QRICH1: variants seen among roughly 807,000 people sequenced by gnomAD.
QRICH1 encodes the protein transcriptional regulator QRICH1.
QRICH1 carries 16 observed loss-of-function variants against 87.1 expected under a neutral mutation model. The ratio of observed to expected loss-of-function variants is 0.18; its 90% CI spans 0.12 to 0.28. QRICH1 has a LOEUF of 0.28. QRICH1 is among the 10% of genes least tolerant of loss of function. The pLI is 1.00. For synonymous variants in QRICH1, 367 were observed against 368.4 expected, an observed-to-expected ratio of 1.00 and a Z score of 0.05; for missense variants, 647 against 951.7, an observed-to-expected ratio of 0.68 and a Z score of 4.21.
At chr3:49,093,824 G>GC in intron 1 of QRICH1, 88 bp downstream of exon 1, 1 of 137,908 alleles carries the variant, frequency 7.3e-6, no homozygotes, top group Non-Finnish European at 1.5e-5. Flanking sequence ...GTAGTGGCCC[G>GC]CCCGCCCCCG....
At chr3:49,075,480 A>T (rs2041933624) in intron 2 of QRICH1, among the ~76,000 whole-genome samples, 1 of 152,088 alleles carries the variant, frequency 6.6e-6, no homozygotes, top group Admixed American at 6.6e-5. Context: ...AAAATACAAA[A>T]ATTAGCCGGG....
chr3:49,048,226 G>A (rs1179102664), intron 3 of QRICH1, among the ~76,000 whole-genome samples: 3 of 151,116 alleles, frequency 2.0e-5, no homozygotes, highest in Non-Finnish European at 4.4e-5. Context: ...TCTGTCTCCC[G>A]GGTTCAAGCT....
At chr3:49,069,215 G>A (rs1559946150) in intron 2 of QRICH1, among the ~76,000 whole-genome samples, 1 of 149,522 alleles carries the variant, frequency 6.7e-6, no homozygotes, top group African/African-American at 2.5e-5. Context: ...GCAATTCTCT[G>A]CCTCAGCCTC....
At chr3:49,084,854 A>G (rs2042137943) in intron 1 of QRICH1, among the ~76,000 whole-genome samples, 1 of 152,168 alleles carries the variant, frequency 6.6e-6, no homozygotes, top group East Asian at 1.9e-4. Context: ...ACTCTTCTGA[A>G]TTTTCCACAA....
At position 49,030,525 on chromosome 3, in the gene QRICH1, A is replaced by T. The variant is rs1018155218; in HGVS notation, c.2258T>A (p.Met753Lys). 6.2e-7 allele frequency: 1 copy of T among 1,614,114 alleles called. No homozygotes were observed. The highest frequency in any genetic ancestry group is 8.5e-7 in the Non-Finnish European group (1 of 1,180,034). ...TCTTATCACCAGGATCCGCGTCAGCATTTGTCCCATCTGCTCTCTGCTGAT... is the reference window on the plus strand; with the variant it reads ...TCTTATCACCAGGATCCGCGTCAGCTTTTGTCCCATCTGCTCTCTGCTGAT... ...QPISREQMGQ[M>K]LTRILVIREI... The change falls in exon 10 of 10, where the codon ATG becomes AAG. Residue 753 changes from methionine (M) to lysine (K), a missense_variant. Transcript: ENST00000395443.
rs1385990759 is a variant in QRICH1 at position 49,076,949 on chromosome 3, C to T, written c.69G>A (p.Pro23=). The part of the protein sequence containing the change: ...EYIRVKARSV[P]QHRMKEFLDS... ...CCAGAAATTCCTTCATCCTGTGTTG[C>T]GGGACAGACCGTGCCTTTACTCGGA... Residue 23 remains proline, a synonymous_variant, in exon 2 of 10, where the codon CCG becomes CCA. Transcript: ENST00000395443. 14 of 1,602,496 alleles carry T rather than the reference C, an allele frequency of 8.7e-6. No homozygotes were observed. Among genetic ancestry groups the T allele is most frequent in the African/African-American group, 4.0e-5 (3 of 74,660 alleles).
intron 2 of QRICH1, among the ~76,000 whole-genome samples, chr3:49,058,262 G>A (rs1475155555): frequency 6.6e-6 from 1 of 151,466 alleles, no homozygotes; most frequent in Non-Finnish European, 1.5e-5. Flanking sequence ...CGATTCTCCT[G>A]CCTCAGCTTC....
intron 3 of QRICH1, 25 bp downstream of exon 3, chr3:49,056,837 G>A: frequency 6.2e-7 from 1 of 1,614,132 alleles, no homozygotes; most frequent in Non-Finnish European, 8.5e-7. Context: ...CAGGCTGCCT[G>A]CCCTACTGAT....
intron 3 of QRICH1, among the ~76,000 whole-genome samples, chr3:49,055,151 C>A (rs2093393650): frequency 6.6e-6 from 1 of 152,186 alleles, no homozygotes; most frequent in Non-Finnish European, 1.5e-5. Context: ...AGGTCCTTAA[C>A]AATGTCACCT....
At chr3:49,041,164 T>C (rs1379366066) in intron 6 of QRICH1, among the ~76,000 whole-genome samples, 1 of 152,032 alleles carries the variant, frequency 6.6e-6, no homozygotes, top group Non-Finnish European at 1.5e-5. Context: ...AGATATGGGT[T>C]TCCCCATATT....
chr3:49,061,957 T>C (rs1236907395), intron 2 of QRICH1, among the ~76,000 whole-genome samples: 1 of 152,214 alleles, frequency 6.6e-6, no homozygotes, highest in Non-Finnish European at 1.5e-5. Flanking sequence ...GAAACCACTT[T>C]ATATCTAATA....
At chr3:49,082,088 C>A (rs2042074442) in intron 1 of QRICH1, among the ~76,000 whole-genome samples, 1 of 151,998 alleles carries the variant, frequency 6.6e-6, no homozygotes, top group Admixed American at 6.6e-5. Context: ...TTACAAGGCA[C>A]CTGCCCCCAT....
At chr3:49,033,296 T>C in intron 6 of QRICH1, 68 bp from the exon 7 acceptor site, 1 of 979,270 alleles carries the variant, frequency 1.0e-6, no homozygotes, top group Non-Finnish European at 1.4e-6. Flanking sequence ...CAATATGGGA[T>C]GTGTGAAGCA....
chr3:49,062,730 G>A lies in QRICH1; in HGVS notation c.310-4840C>T, dbSNP rs145769718. On this transcript the variant is annotated intron_variant, in intron 2 of 9. Coordinates refer to ENST00000395443, the MANE Select transcript of QRICH1 (RefSeq NM_198880.3). ...TAAGTATATTTTTTAAAAAAAGGCC[G>A]GGCGCTGTGGCTCACACCTGTAATC... Among the ~76,000 whole-genome samples the A allele has an allele frequency of 3.4e-3, 521 of 151,400 alleles. 5 individuals are homozygous for A. Among genetic ancestry groups the A allele is most frequent in the African/African-American group, 0.012 (480 of 41,298 alleles).
intron 3 of QRICH1, among the ~76,000 whole-genome samples, chr3:49,047,479 G>GTTTTTTTTTTTTTTTTTTT: frequency 9.2e-6 from 1 of 109,086 alleles, no homozygotes; most frequent in Non-Finnish European, 1.9e-5. Context: ...ACTTTTAAAT[G>GTTTTTTTTTTTTTTTTTTT]TTTTTTTTTT....
At chr3:49,072,997 A>T (rs1340335488) in intron 2 of QRICH1, among the ~76,000 whole-genome samples, 1 of 152,042 alleles carries the variant, frequency 6.6e-6, no homozygotes, top group Non-Finnish European at 1.5e-5. Context: ...AGCCATGATC[A>T]TGTCACAGCA....
At chr3:49,083,911 C>T (rs916303658) in intron 1 of QRICH1, among the ~76,000 whole-genome samples, 1 of 151,520 alleles carries the variant, frequency 6.6e-6, no homozygotes, top group Non-Finnish European at 1.5e-5. Context: ...AAGCGATTCT[C>T]CTGCCTCAGC....
intron 6 of QRICH1, among the ~76,000 whole-genome samples, chr3:49,039,781 C>T (rs1238747613): frequency 6.7e-6 from 1 of 148,394 alleles, no homozygotes; most frequent in Non-Finnish European, 1.5e-5. Context: ...AGCAACAGGC[C>T]AGGCTCGGTG....
At chr3:49,037,619 C>A (rs1364115722) in intron 6 of QRICH1, among the ~76,000 whole-genome samples, 12 of 152,082 alleles carry the variant, frequency 7.9e-5, no homozygotes, top group Non-Finnish European at 4.4e-5. Context: ...GTAGTCCCAG[C>A]TACTCGGGAG....
Sources: gnomAD v4.1 joint callset for allele counts (sites outside exome capture counted in the v4.1 genomes callset) on GRCh38, gnomAD v4.1.1 for gene constraint, MANE v1.5 for transcripts, NCBI Gene and HGNC (gene_info 2026-07-23, HGNC 2026-07-21) for gene names.